Variants in MELTF observed in about 807,000 individuals in gnomAD.
MELTF encodes antigen p97 (melanoma associated) identified by monoclonal antibodies 133.2 and 96.5.
A neutral mutation model predicts 83.7 loss-of-function variants in MELTF; 67 were observed. The ratio of observed to expected loss-of-function variants is 0.80; its 90% CI spans 0.66 to 0.98. MELTF has a LOEUF of 0.98. MELTF is among the 50% of genes least tolerant of loss of function. The pLI is 0.00. For synonymous variants in MELTF, 462 were observed against 447.6 expected (o/e 1.03, Z -0.41); for missense variants, 1,002 against 1,035.6 (o/e 0.97, Z 0.44).
At chr3:197,013,927 T>C (rs1719269309) in intron 9 of MELTF, among the ~76,000 whole-genome samples, 1 of 152,266 alleles carries the variant, frequency 6.6e-6, no homozygotes, top group South Asian at 2.1e-4. Flanking sequence ...ACAGCCGCTA[T>C]GGAAAACAGT....
chr3:197,016,397 T>C (rs1015891227), intron 7 of MELTF, 28 bp from the exon 8 acceptor site: 29 of 1,486,036 alleles, frequency 2.0e-5, no homozygotes, highest in Non-Finnish European at 2.3e-5. Flanking sequence ...TGGTACAGGG[T>C]GGTGAGGGTG....
At position 197,002,073 on chromosome 3, in the gene MELTF, T is replaced by TG. The variant is rs1718751953; in HGVS notation, c.*1298dup. On this transcript the variant is annotated 3_prime_UTR_variant, in exon 16 of 16. Coordinates refer to ENST00000296350, the MANE Select transcript of MELTF (RefSeq NM_005929.6). ...CCCAGGTCCTTGTGGCCCCTCCCGGTGGGGTGAAGGTGCCCGGGACTCCTC... is the reference window on the plus strand; with the variant it reads ...CCCAGGTCCTTGTGGCCCCTCCCGGTGGGGGTGAAGGTGCCCGGGACTCCTC... The TG allele has an allele frequency of 1.3e-5, 2 of 152,090 alleles. No homozygotes were observed. Among genetic ancestry groups the TG allele is most frequent in the African/African-American group, 4.8e-5 (2 of 41,392 alleles). 9.4% of individuals were successfully genotyped at this position (152,090 alleles called of 1,614,324 possible). A position where few individuals can be genotyped will look rare whatever the true frequency, so the allele number is the denominator to read the frequency against.
rs1719044099 is a variant in MELTF, at chr3:197,008,115, G to C, written c.1750+542C>G. Among the ~76,000 whole-genome samples the C allele has an allele frequency of 6.6e-6, 1 of 152,200 alleles. No homozygotes were observed. The highest frequency in any genetic ancestry group is 6.5e-5 in the Admixed American group (1 of 15,282). On this transcript the variant is annotated intron_variant, in intron 13 of 15. Transcript: ENST00000296350. The surrounding 1 kb of genome is among the most constrained non-coding windows in gnomAD (Gnocchi z 5.4). ...AGGACCATGTATGTACTGGGGTCCC[G>C]GAGCAGAGCGTTCCTGAGCTCTTTG...
chr3:197,015,522 G>T lies in MELTF; in HGVS notation c.1082-6C>A, dbSNP rs1560216190. ...GCGCAGGTAGGGGGGCAGCCCTGGGGTGGGGCAAGCAAGCGGTCACTGCCA... is the reference window on the plus strand; with the variant it reads ...GCGCAGGTAGGGGGGCAGCCCTGGGTTGGGGCAAGCAAGCGGTCACTGCCA... On this transcript the variant is annotated splice_region_variant and splice_polypyrimidine_tract_variant and intron_variant, in intron 8 of 15. Coordinates refer to ENST00000296350, the MANE Select transcript of MELTF (RefSeq NM_005929.6). 1 of 1,608,162 alleles carries T rather than the reference G, an allele frequency of 6.2e-7. No individual in the cohort carries two copies. Among genetic ancestry groups the T allele is most frequent in the South Asian group, 1.1e-5 (1 of 90,380 alleles).
At chr3:197,004,590 C>T (rs375134708) in intron 14 of MELTF, 1 of 185,182 alleles carries the variant, frequency 5.4e-6, no homozygotes. Flanking sequence ...CACTGACCCA[C>T]CCGCCCAGGG....
Position 197,020,631 on chromosome 3 carries a change from A to G in MELTF, c.712+773T>C, listed in dbSNP as rs563236037. 2.0e-5 allele frequency among the ~76,000 whole-genome samples: 3 copies of G among 152,086 alleles called. No individual in the cohort carries two copies. In the East Asian group the frequency reaches 5.8e-4, roughly 29 times the overall value. On this transcript the variant is annotated intron_variant, in intron 6 of 15. Transcript: ENST00000296350. ...TTCAAAATTAAAAAACTTAAATGAC[A>G]TGATGGCTCAATATATAACACCAGT...
intron 10 of MELTF, among the ~76,000 whole-genome samples, chr3:197,010,379 G>A (rs1375478198): frequency 1.3e-5 from 2 of 152,282 alleles, no homozygotes; most frequent in Non-Finnish European, 2.9e-5. Flanking sequence ...GCCTGCTCTT[G>A]TATGGCCTGG....
Position 197,007,903 on chromosome 3 carries a change from G to A in MELTF, c.1750+754C>T, listed in dbSNP as rs1245412845. 3.3e-5 allele frequency among the ~76,000 whole-genome samples: 5 copies of A among 152,196 alleles called. No individual in the cohort carries two copies. The highest frequency in any genetic ancestry group is 7.3e-5 in the Non-Finnish European group (5 of 68,030). On this transcript the variant is annotated intron_variant, in intron 13 of 15. Transcript: ENST00000296350. The surrounding 1 kb of genome is among the most constrained non-coding windows in gnomAD (Gnocchi z 4.3). ...CTATAGGAGGAGACATGTTGGGAGC[G>A]AGTGGAGAAGACTGGGCCTCCAGCA...
chr3:197,028,564 C>T (rs1351496244), intron 1 of MELTF: 3 of 152,918 alleles, frequency 2.0e-5, no homozygotes, highest in Non-Finnish European at 4.4e-5. Flanking sequence ...CAGATAAAAA[C>T]CCCACCTTCT....
Position 197,008,897 on chromosome 3 carries a change from A to G in MELTF, c.1594T>C (p.Cys532Arg). The G allele has an allele frequency of 1.2e-6, 2 of 1,614,150 alleles. No individual in the cohort carries two copies. Among genetic ancestry groups the G allele is most frequent in the Non-Finnish European group, 1.7e-6 (2 of 1,180,002 alleles). ...NNPKNYPSSL[C>R]ALCVGDEQGR... is the part of the protein sequence containing the mutation. ...TGCTCGTCCCCCACGCACAGTGCAC[A>G]CAGCGAGGAGGGGTAGTTCTTGGGG... The change falls in exon 12 of 16, where the codon TGT (cysteine) becomes CGT (arginine). Residue 532 changes from cysteine to arginine, a missense_variant. By Grantham distance (180) the Cys-to-Arg change is radical. Coordinates refer to ENST00000296350, the MANE Select transcript of MELTF (RefSeq NM_005929.6). This position sits in a 1 kb window ranked among gnomAD's most constrained non-coding sequence, Gnocchi z 5.4.
chr3:197,028,079 G>A, intron 1 of MELTF, 169 bp from the exon 2 acceptor site: 1 of 741,754 alleles, frequency 1.3e-6, no homozygotes, highest in Non-Finnish European at 2.1e-6. Flanking sequence ...CAGGGGAAGG[G>A]CTGGTATTCC....
At chr3:197,027,093 T>C in intron 2 of MELTF, 1 of 309,038 alleles carries the variant, frequency 3.2e-6, no homozygotes, top group Non-Finnish European at 6.2e-6. Context: ...GCGCCTCTAC[T>C]GCTACCCTAG....
Position 197,016,347 on chromosome 3 carries a change from C to A in MELTF, c.923G>T (p.Ser308Ile). ...EGQRLFSHEG[S>I]SFQMFSSEAY... ...CTCAGAGCTGAACATCTGGAAGCTG[C>A]TGCCCTCGTGGCTGAACAGACGCTG... Residue 308 changes from serine (S) to isoleucine (I), a missense_variant, in exon 8 of 16, where the codon AGC (serine) becomes ATC (isoleucine). Transcript: ENST00000296350. 2.5e-6 allele frequency: 4 copies of A among 1,600,616 alleles called. No individual in the cohort carries two copies. The highest frequency in any genetic ancestry group is 3.4e-6 in the Non-Finnish European group (4 of 1,173,282).
chr3:197,003,730 T>G lies in MELTF; in HGVS notation c.2137+171A>C. On this transcript the variant is annotated intron_variant, in intron 15 of 15. Coordinates refer to ENST00000296350, the MANE Select transcript of MELTF (RefSeq NM_005929.6). The surrounding 1 kb of genome is among the most constrained non-coding windows in gnomAD (Gnocchi z 6.2). ...TGGGAGACCCGCCGGGCTCCCGCCCTCCCGGCCCGCAGCCTCCTGGCCAAA... is the reference window on the plus strand; with the variant it reads ...TGGGAGACCCGCCGGGCTCCCGCCCGCCCGGCCCGCAGCCTCCTGGCCAAA... The G allele has an allele frequency of 2.0e-6, 1 of 509,304 alleles. No individual in the cohort carries two copies. Among genetic ancestry groups the G allele is most frequent in the Non-Finnish European group, 3.3e-6 (1 of 302,310 alleles). The allele number at this position is 509,304 out of a possible 1,614,324, so 31.5% of individuals were successfully genotyped here. A position where few individuals can be genotyped will look rare whatever the true frequency, so the allele number is the denominator to read the frequency against.
Position 197,017,213 on chromosome 3 carries a change from C to G in MELTF, c.790G>C (p.Asp264His), listed in dbSNP as rs139304153. ...TGGCACTGCCTCCACTCGGTGACAT[C>G]GGCCCGGCTACCATCCCGGCACAGC... ...ELLCRDGSRA[D>H]VTEWRQCHLA... The change falls in exon 7 of 16, where the codon GAT becomes CAT. Residue 264 changes from aspartate (D) to histidine (H), a missense_variant. Asp to His is a moderately conservative substitution (Grantham distance 81). Coordinates refer to ENST00000296350, the MANE Select transcript of MELTF (RefSeq NM_005929.6). The G allele has an allele frequency of 1.3e-6, 2 of 1,598,860 alleles. No homozygotes were observed. Among genetic ancestry groups the G allele is most frequent in the Non-Finnish European group, 1.7e-6 (2 of 1,174,204 alleles).
At chr3:197,009,077 G>A (rs1482913431) in intron 11 of MELTF, 112 bp from the exon 12 acceptor site, 2 of 1,277,072 alleles carry the variant, frequency 1.6e-6, no homozygotes, top group Non-Finnish European at 2.2e-6. Flanking sequence ...TACACTGCAA[G>A]GCCACCTGTC....
At chr3:197,021,147 C>T (rs1427617708) in intron 6 of MELTF, 4 of 476,692 alleles carry the variant, frequency 8.4e-6, no homozygotes, top group African/African-American at 4.0e-5. Context: ...CAAATCAAAG[C>T]AGAGCAGAGC....
chr3:197,024,512 G>T lies in MELTF; in HGVS notation c.305-27C>A. On this transcript the variant is annotated intron_variant, in intron 3 of 15. Coordinates refer to ENST00000296350, the MANE Select transcript of MELTF (RefSeq NM_005929.6). This position sits in a 1 kb window ranked among gnomAD's most constrained non-coding sequence, Gnocchi z 5.3. The stretch of plus-strand genomic sequence containing the variant: ...TAGGAGGGGAGGGGAGTGGGTGAGG[G>T]CAGCAGGGAGAGGCCTCGAGAGAGG... 1 of 1,545,558 alleles carries T rather than the reference G, an allele frequency of 6.5e-7. No individual in the cohort carries two copies. The highest frequency in any genetic ancestry group is 8.8e-7 in the Non-Finnish European group (1 of 1,138,860).
chr3:197,017,673 C>G (rs562232023), intron 6 of MELTF, among the ~76,000 whole-genome samples: 4 of 152,086 alleles, frequency 2.6e-5, no homozygotes, highest in Admixed American at 1.3e-4. Flanking sequence ...GTCAGGAGAT[C>G]AAGACCATCC....
Sources: allele counts gnomAD v4.1 joint callset (sites outside exome capture counted in the v4.1 genomes callset), GRCh38; gene constraint gnomAD v4.1.1; non-coding constraint Gnocchi (gnomAD v3.1); transcripts MANE v1.5; gene names NCBI Gene and HGNC (gene_info 2026-07-23, HGNC 2026-07-21).